Variants in PPP4R3B observed in about 807,000 individuals in gnomAD.
PPP4R3B encodes the protein serine/threonine-protein phosphatase 4 regulatory subunit 3B.
PPP4R3B carries 52 observed loss-of-function variants against 95.4 expected under a neutral mutation model. That is an observed-to-expected ratio of 0.54 (90% confidence interval 0.44 to 0.69). The LOEUF (loss-of-function observed/expected upper bound fraction) is 0.69, where lower values mean the gene tolerates loss of function less well. Ranked by LOEUF, PPP4R3B falls within the 30% of genes least tolerant of loss-of-function variation. PPP4R3B has a pLI of 0.00. For synonymous variants in PPP4R3B, 407 were observed against 343.9 expected, an observed-to-expected ratio of 1.18 and a Z score of -2.03; for missense variants, 1,003 against 1,005.9, an observed-to-expected ratio of 1.00 and a Z score of 0.04.
intron 6 of PPP4R3B, 144 bp downstream of exon 6, chr2:55,586,474 C>T (rs1690165304): frequency 2.0e-6 from 1 of 507,370 alleles, no homozygotes; most frequent in Non-Finnish European, 3.4e-6. Context: ...AAATAAAAAT[C>T]TGAAACTGAA....
At chr2:55,556,987 C>A (rs995037507) in intron 16 of PPP4R3B, among the ~76,000 whole-genome samples, 11 of 152,168 alleles carry the variant, frequency 7.2e-5, no homozygotes, top group Admixed American at 2.0e-4. Flanking sequence ...CAGTTGAGCC[C>A]AGGAGGTGGC....
chr2:55,594,302 T>A (rs72803577), intron 4 of PPP4R3B, among the ~76,000 whole-genome samples: 1,863 of 122,438 alleles, frequency 0.015, 13 homozygotes, highest in East Asian at 0.024. Flanking sequence ...GAATCTAAAA[T>A]AAAAAAAAAA....
intron 4 of PPP4R3B, among the ~76,000 whole-genome samples, chr2:55,595,829 C>T (rs1360746174): frequency 6.6e-6 from 1 of 151,738 alleles, no homozygotes; most frequent in Admixed American, 6.6e-5. Context: ...CAGGGACTTC[C>T]AGAGGTCCAC....
chr2:55,565,948 C>A (rs1464447678), intron 13 of PPP4R3B: 1 of 152,146 alleles, frequency 6.6e-6, no homozygotes, highest in Non-Finnish European at 1.5e-5. Flanking sequence ...GATAAACTAT[C>A]TGGAATTCTA....
At chr2:55,577,271 G>C in intron 11 of PPP4R3B, 44 bp downstream of exon 11, 1 of 1,516,422 alleles carries the variant, frequency 6.6e-7, no homozygotes, top group Non-Finnish European at 8.8e-7. Flanking sequence ...GTAGAAAAAA[G>C]TTTATAATTT....
rs749246729 is a variant in PPP4R3B at position 55,588,870 on chromosome 2, A to G, written c.999+9T>C. 8.2e-6 allele frequency: 13 copies of G among 1,593,332 alleles called. No individual in the cohort carries two copies. Among genetic ancestry groups the G allele is most frequent in the South Asian group, 1.1e-5 (1 of 88,686 alleles). ...AGTGCTCTTTAAGAGTTTGAATTTCATAACTTACCAATTCACGCCGTTTAT... is the reference window on the plus strand; with the variant it reads ...AGTGCTCTTTAAGAGTTTGAATTTCGTAACTTACCAATTCACGCCGTTTAT... On this transcript the variant is annotated intron_variant, in intron 5 of 16. Transcript: ENST00000616407.
Position 55,549,733 on chromosome 2 carries a change from A to C in PPP4R3B, c.*178T>G. The C allele has an allele frequency of 1.8e-6, 1 of 561,558 alleles. No individual in the cohort carries two copies. Among genetic ancestry groups the C allele is most frequent in the South Asian group, 2.3e-5 (1 of 42,900 alleles). The allele number at this position is 561,558 out of a possible 1,614,324, so 34.8% of individuals were successfully genotyped here. ...CCCCTTAATTACTAGCAAGCAATCA[A>C]GTTCCTGGGAAGCCTGATTTTTATT... is the stretch of plus-strand genomic sequence containing the variant. On this transcript the variant is annotated 3_prime_UTR_variant, in exon 17 of 17. Transcript: ENST00000616407.
rs375833536 is a variant in PPP4R3B, at chr2:55,598,579, G to C, written c.758C>G (p.Pro253Arg). 1.2e-6 allele frequency: 2 copies of C among 1,614,016 alleles called. No individual in the cohort carries two copies. The highest frequency in any genetic ancestry group is 1.7e-6 in the Non-Finnish European group (2 of 1,180,034). Residue 253 changes from proline (P) to arginine (R), a missense_variant, in exon 4 of 17, where the codon CCA becomes CGA. Pro to Arg is a moderately radical substitution (Grantham distance 103, BLOSUM62 -2). Transcript: ENST00000616407. ...TKTAKFKEVI[P>R]ITDSELRQKI... Reference sequence around the variant, plus strand: ...TTGCCTTAGTTCAGAGTCTGTTATTGGTATAACTTCCTTGAACTTTGCAGT... The same window carrying C: ...TTGCCTTAGTTCAGAGTCTGTTATTCGTATAACTTCCTTGAACTTTGCAGT...
intron 8 of PPP4R3B, 108 bp from the exon 9 acceptor site, chr2:55,579,889 A>G (rs1188320201): frequency 3.4e-6 from 2 of 592,626 alleles, no homozygotes; most frequent in Admixed American, 3.3e-5. Flanking sequence ...AAAAAGAATT[A>G]GCAGTACAGA....
intron 2 of PPP4R3B, among the ~76,000 whole-genome samples, chr2:55,608,131 A>T (rs535445457): frequency 5.3e-5 from 8 of 152,176 alleles, no homozygotes; most frequent in Non-Finnish European, 1.0e-4. Context: ...CAGCCTCCTG[A>T]GTAGCTGGGA....
chr2:55,587,121 C>G (rs773805750), intron 5 of PPP4R3B, among the ~76,000 whole-genome samples: 2 of 152,122 alleles, frequency 1.3e-5, no homozygotes, highest in Admixed American at 6.5e-5. Context: ...TATAGGTCAA[C>G]AGAGATATTT....
Position 55,573,576 on chromosome 2 carries a change from A to G in PPP4R3B, c.1765+43T>C, listed in dbSNP as rs191371102. On this transcript the variant is annotated intron_variant, in intron 12 of 16. Coordinates refer to ENST00000616407, the MANE Select transcript of PPP4R3B (RefSeq NM_001122964.3). ...ACTTCAAATGGGTAACTTCAGTTTTATCTCTATTAAAAATGTTGCTCCTTA... is the reference window on the plus strand; with the variant it reads ...ACTTCAAATGGGTAACTTCAGTTTTGTCTCTATTAAAAATGTTGCTCCTTA... The G allele has an allele frequency of 5.3e-6, 8 of 1,498,120 alleles. No homozygotes were observed. In the Admixed American group the frequency reaches 2.1e-4, roughly 40 times the overall value. The allele number at this position is 1,498,120 out of a possible 1,614,324, so 92.8% of individuals were successfully genotyped here. A position where few individuals can be genotyped will look rare whatever the true frequency, so the allele number is the denominator to read the frequency against.
At chr2:55,593,204 C>T (rs188805390) in intron 4 of PPP4R3B, among the ~76,000 whole-genome samples, 10 of 152,240 alleles carry the variant, frequency 6.6e-5, no homozygotes, top group Admixed American at 5.9e-4. Flanking sequence ...AAGAATGTTG[C>T]TCAATTCTGG....
At position 55,617,154 on chromosome 2, in the gene PPP4R3B, T is replaced by A. The variant is rs754782801; in HGVS notation, c.132A>T (p.Ala44=). The change falls in exon 1 of 17, where the codon GCA becomes GCT. Residue 44 remains alanine, a synonymous_variant. Transcript: ENST00000616407. ...TTCCGATAACCTTACCGTCGGACTC[T>A]GCCCGAACCAGCAGCGACATCCCCT... is the stretch of plus-strand genomic sequence containing the variant. The part of the protein sequence containing the change: ...ELKGMSLLVR[A]ESDGSLLLES... 7.9e-5 allele frequency: 127 copies of A among 1,612,204 alleles called. No individual in the cohort carries two copies. Among genetic ancestry groups the A allele is most frequent in the Non-Finnish European group, 1.0e-4 (119 of 1,179,370 alleles).
rs774712335 is a variant in PPP4R3B, at chr2:55,558,775, C to T, written c.2454G>A (p.Lys818=). The part of the protein sequence containing the change: ...TNLPTSVTAT[K]GSLVGLVDYP... Reference sequence around the variant, plus strand: ...TTGTGTGTAATGCTGTTTCACCTACCTTGGTGGCTGTTACTGACGTAGGCA... The same window carrying T: ...TTGTGTGTAATGCTGTTTCACCTACTTTGGTGGCTGTTACTGACGTAGGCA... Residue 818 remains lysine, a splice_region_variant and synonymous_variant, in exon 16 of 17, where the codon AAG becomes AAA. Transcript: ENST00000616407. The T allele has an allele frequency of 6.3e-7, 1 of 1,594,460 alleles. No individual in the cohort carries two copies. Among genetic ancestry groups the T allele is most frequent in the Non-Finnish European group, 8.6e-7 (1 of 1,168,010 alleles).
At chr2:55,559,610 T>C (rs1050443079) in intron 15 of PPP4R3B, among the ~76,000 whole-genome samples, 1 of 152,142 alleles carries the variant, frequency 6.6e-6, no homozygotes, top group South Asian at 2.1e-4. Flanking sequence ...AGGGTGGCAC[T>C]TCCCCCCTTG....
At chr2:55,601,213 G>C (rs1692561581) in intron 3 of PPP4R3B, among the ~76,000 whole-genome samples, 1 of 150,566 alleles carries the variant, frequency 6.6e-6, no homozygotes. Context: ...TTGTCTCTTA[G>C]CTCAGTTATA....
At chr2:55,608,958 A>G (rs1693788860) in intron 2 of PPP4R3B, among the ~76,000 whole-genome samples, 1 of 152,102 alleles carries the variant, frequency 6.6e-6, no homozygotes, top group South Asian at 2.1e-4. Flanking sequence ...TTTGGCTGGG[A>G]GACAGTCTCA....
chr2:55,616,090 G>A (rs944363010), intron 1 of PPP4R3B, among the ~76,000 whole-genome samples: 2 of 151,794 alleles, frequency 1.3e-5, no homozygotes, highest in Non-Finnish European at 2.9e-5. Flanking sequence ...GAGGAGACTA[G>A]ATGACTATTA....
Sources: allele counts gnomAD v4.1 joint callset (sites outside exome capture counted in the v4.1 genomes callset), GRCh38; gene constraint gnomAD v4.1.1; transcripts MANE v1.5; gene names NCBI Gene and HGNC (gene_info 2026-07-23, HGNC 2026-07-21).